The following GRM5 variants were observed in gnomAD, a reference collection of about 807,000 sequenced individuals.
GRM5 encodes metabotropic glutamate receptor 5.
A neutral mutation model predicts 83.1 loss-of-function variants in GRM5; 19 were observed. That is an observed-to-expected ratio of 0.23 (90% confidence interval 0.16 to 0.34). The LOEUF is 0.34. Ranked by LOEUF, GRM5 falls within the 10% of genes least tolerant of loss-of-function variation. GRM5 has a pLI of 1.00. For synonymous variants in GRM5, 675 were observed against 633.6 expected (o/e 1.07, Z -0.98); for missense variants, 1,160 against 1,588.3 (o/e 0.73, Z 4.58).
intron 8 of GRM5, among the ~76,000 whole-genome samples, chr11:88,552,033 CTT>C (rs5793334): frequency 6.9e-6 from 1 of 145,908 alleles, no homozygotes. Flanking sequence ...AATGTCACAT[CTT>C]TTTTTTTTTT....
chr11:88,577,854 G>C (rs191685656), intron 7 of GRM5, among the ~76,000 whole-genome samples: 1 of 152,192 alleles, frequency 6.6e-6, no homozygotes, highest in East Asian at 1.9e-4. Context: ...AATTATTGCT[G>C]ATAGTTCAGA....
intron 2 of GRM5, among the ~76,000 whole-genome samples, chr11:88,860,921 C>T (rs544861655): frequency 1.3e-5 from 2 of 152,232 alleles, no homozygotes; most frequent in South Asian, 2.1e-4. Context: ...CCACTTGCCA[C>T]ATTGAGATGT....
At chr11:88,698,070 T>C (rs1940942149) in intron 3 of GRM5, among the ~76,000 whole-genome samples, 1 of 152,214 alleles carries the variant, frequency 6.6e-6, no homozygotes, top group Admixed American at 6.5e-5. Flanking sequence ...CAAAATTCTT[T>C]ACTGTCATTC....
At chr11:88,755,570 ACT>A (rs1339290968) in intron 3 of GRM5, among the ~76,000 whole-genome samples, 1 of 152,066 alleles carries the variant, frequency 6.6e-6, no homozygotes, top group Non-Finnish European at 1.5e-5. Flanking sequence ...TTTGTTGCAA[ACT>A]CTCTATATCC....
chr11:88,780,887 C>G (rs1311469720), intron 3 of GRM5, among the ~76,000 whole-genome samples: 7 of 151,946 alleles, frequency 4.6e-5, no homozygotes, highest in Non-Finnish European at 8.8e-5. Flanking sequence ...CCAAGGGGAA[C>G]AGCTCTCAAG....
chr11:88,890,833 C>G (rs316113), intron 2 of GRM5, among the ~76,000 whole-genome samples: 146,514 of 152,190 alleles, frequency 0.96, 70,568 homozygotes, highest in East Asian at 0.99. Context: ...AAATGTAAAA[C>G]TTGCTAAGAG....
chr11:88,675,156 T>C (rs1341637679), intron 3 of GRM5, among the ~76,000 whole-genome samples: 1 of 152,006 alleles, frequency 6.6e-6, no homozygotes, highest in Non-Finnish European at 1.5e-5. Context: ...TCTGTGATCC[T>C]ACATGTGGGA....
intron 2 of GRM5, among the ~76,000 whole-genome samples, chr11:88,896,114 A>C (rs1401855107): frequency 6.6e-6 from 1 of 151,962 alleles, no homozygotes; most frequent in Non-Finnish European, 1.5e-5. Context: ...TATCACTTAC[A>C]CAATAACTAC....
chr11:88,609,261 C>T (rs1938251753), intron 4 of GRM5, among the ~76,000 whole-genome samples: 1 of 152,164 alleles, frequency 6.6e-6, no homozygotes, highest in Admixed American at 6.5e-5. Flanking sequence ...GTTTTCTATT[C>T]CTGCATTAGT....
chr11:89,001,516 A>G (rs1040099442), intron 2 of GRM5, among the ~76,000 whole-genome samples: 2 of 152,162 alleles, frequency 1.3e-5, no homozygotes, highest in African/African-American at 4.8e-5. Context: ...ATAGGAATGG[A>G]GAACAGGTTA....
At chr11:88,728,150 A>G (rs1318925734) in intron 3 of GRM5, among the ~76,000 whole-genome samples, 1 of 152,162 alleles carries the variant, frequency 6.6e-6, no homozygotes, top group African/African-American at 2.4e-5. Context: ...AAAGAAAAAA[A>G]GAGAAGAATC....
chr11:88,986,336 G>GA (rs1257556128), intron 2 of GRM5, among the ~76,000 whole-genome samples: 2 of 152,128 alleles, frequency 1.3e-5, no homozygotes, highest in African/African-American at 2.4e-5. Context: ...ACAAGGTTCA[G>GA]AAAAAAGAGA....
At chr11:88,947,795 A>G (rs1376935511) in intron 2 of GRM5, among the ~76,000 whole-genome samples, 1 of 152,178 alleles carries the variant, frequency 6.6e-6, no homozygotes, top group Non-Finnish European at 1.5e-5. Flanking sequence ...CAGTAAATAA[A>G]TATCTACTAT....
intron 3 of GRM5, among the ~76,000 whole-genome samples, chr11:88,655,312 T>C (rs534075957): frequency 2.0e-5 from 3 of 152,218 alleles, no homozygotes; most frequent in Admixed American, 2.0e-4. Context: ...GGGTTTATTA[T>C]ATCACTGAGA....
At position 88,708,213 on chromosome 11, in the gene GRM5, C is replaced by T. The variant is rs1018125905; in HGVS notation, c.912-54810G>A. ...TCCTGCTTGCCAACATGTTGAGTCC[C>T]AGGTTCGCTCCCCTTTTATTGCAAA... On this transcript the variant is annotated intron_variant, in intron 3 of 9. Coordinates refer to ENST00000305447, the MANE Select transcript of GRM5 (RefSeq NM_001143831.3). Among the ~76,000 whole-genome samples, 3 of 152,062 alleles carry T rather than the reference C, an allele frequency of 2.0e-5. No homozygotes were observed. In the South Asian group the frequency reaches 6.2e-4, roughly 32 times the overall value.
chr11:88,936,929 T>C (rs909832105), intron 2 of GRM5, among the ~76,000 whole-genome samples: 4 of 151,776 alleles, frequency 2.6e-5, no homozygotes, highest in Non-Finnish European at 5.9e-5. Flanking sequence ...ATTTTAGGCT[T>C]AGCTGTTTTA....
intron 2 of GRM5, among the ~76,000 whole-genome samples, chr11:88,991,291 A>G (rs1442333834): frequency 6.6e-6 from 1 of 152,152 alleles, no homozygotes. Flanking sequence ...AATACCTAGG[A>G]ATCCAACTTA....
At chr11:88,889,665 T>A (rs536341914) in intron 2 of GRM5, among the ~76,000 whole-genome samples, 1 of 152,186 alleles carries the variant, frequency 6.6e-6, no homozygotes, top group African/African-American at 2.4e-5. Context: ...AAGGCCTTTA[T>A]ATTTTTCTCT....
rs368351027 is a variant in GRM5 at position 88,750,107 on chromosome 11, T to C, written c.912-96704A>G. ...TATCAATACTAACCTTAAATGTAAA[T>C]GGGCTAAATGACCCAATTAAAAGAC... On this transcript the variant is annotated intron_variant, in intron 3 of 9. Coordinates refer to ENST00000305447, the MANE Select transcript of GRM5 (RefSeq NM_001143831.3). 1.9e-4 allele frequency among the ~76,000 whole-genome samples: 29 copies of C among 152,236 alleles called. 1 individual carries two copies. The South Asian group carries it at 5.4e-3, about 28-fold the overall frequency.
Sources: gnomAD v4.1 joint callset for allele counts (sites outside exome capture counted in the v4.1 genomes callset) on GRCh38, gnomAD v4.1.1 for gene constraint, MANE v1.5 for transcripts, NCBI Gene and HGNC (gene_info 2026-07-23, HGNC 2026-07-21) for gene names.